ATXN1: variants seen among roughly 807,000 people sequenced by gnomAD.
The protein encoded by ATXN1 is ataxin 1.
A neutral mutation model predicts 56.4 loss-of-function variants in ATXN1; 8 were observed. That is an observed-to-expected ratio of 0.14 (90% CI 0.08 to 0.26). The LOEUF is 0.26. ATXN1 is among the 10% of genes least tolerant of loss of function. The pLI is 1.00. For synonymous variants in ATXN1, 514 were observed against 494.6 expected (o/e 1.04, Z -0.52); for missense variants, 987 against 1,106.5 (o/e 0.89, Z 1.53).
intron 2 of ATXN1, among the ~76,000 whole-genome samples, chr6:16,698,233 A>G (rs1759207606): frequency 6.6e-6 from 1 of 152,242 alleles, no homozygotes; most frequent in Non-Finnish European, 1.5e-5. Context: ...TCACTCTATC[A>G]TTAGTGACTG....
At chr6:16,589,988 A>C (rs563531546) in intron 3 of ATXN1, among the ~76,000 whole-genome samples, 1 of 152,200 alleles carries the variant, frequency 6.6e-6, no homozygotes, top group Non-Finnish European at 1.5e-5. Context: ...AAAATTATCT[A>C]TGAAGTCTAA....
chr6:16,386,870 C>T (rs187204234), intron 6 of ATXN1, among the ~76,000 whole-genome samples: 8 of 152,252 alleles, frequency 5.3e-5, no homozygotes, highest in South Asian at 2.1e-4. Flanking sequence ...CGGGGTTTCA[C>T]TATGTTGCCC....
chr6:16,414,071 G>T (rs1383834537), intron 6 of ATXN1, among the ~76,000 whole-genome samples: 4 of 152,206 alleles, frequency 2.6e-5, no homozygotes, highest in Non-Finnish European at 5.9e-5. Context: ...GCCTCAAGGA[G>T]CTAATTAAAA....
intron 6 of ATXN1, among the ~76,000 whole-genome samples, chr6:16,379,922 A>C (rs1762217705): frequency 6.6e-6 from 1 of 152,214 alleles, no homozygotes; most frequent in Non-Finnish European, 1.5e-5. Flanking sequence ...AAAGGAAAAC[A>C]AGAAAGAAGG....
chr6:16,585,262 CA>C (rs555610613), intron 4 of ATXN1, among the ~76,000 whole-genome samples: 1 of 151,302 alleles, frequency 6.6e-6, no homozygotes, highest in African/African-American at 2.4e-5. Context: ...AATAAAAAGG[CA>C]AAAAAATTAG....
At chr6:16,584,662 AT>A (rs1442983001) in intron 4 of ATXN1, among the ~76,000 whole-genome samples, 3 of 148,298 alleles carry the variant, frequency 2.0e-5, no homozygotes, top group Admixed American at 6.7e-5. Flanking sequence ...CCCAAAATAC[AT>A]GGAAACACCA....
intron 4 of ATXN1, among the ~76,000 whole-genome samples, chr6:16,527,385 G>A (rs1190531467): frequency 6.6e-6 from 1 of 152,150 alleles, no homozygotes; most frequent in Non-Finnish European, 1.5e-5. Flanking sequence ...AATCAGGCAG[G>A]AGATGGGGCT....
intron 6 of ATXN1, among the ~76,000 whole-genome samples, chr6:16,340,134 G>A (rs1026621326): frequency 6.6e-5 from 10 of 152,192 alleles, no homozygotes; most frequent in Admixed American, 6.5e-4. Context: ...CCCACCTGTG[G>A]GGAGGTGATC....
chr6:16,350,914 T>G (rs937986849), intron 6 of ATXN1, among the ~76,000 whole-genome samples: 14 of 152,120 alleles, frequency 9.2e-5, no homozygotes, highest in African/African-American at 3.4e-4. Context: ...GAGGCCTGTC[T>G]CTACAAAATA....
intron 2 of ATXN1, among the ~76,000 whole-genome samples, chr6:16,703,456 T>TCTAC (rs1256321640): frequency 5.9e-5 from 9 of 152,190 alleles, no homozygotes; most frequent in Admixed American, 5.9e-4. Flanking sequence ...GTTGTGCACA[T>TCTAC]CTACCCTAAA....
At chr6:16,627,496 A>T (rs1156261963) in intron 3 of ATXN1, among the ~76,000 whole-genome samples, 1 of 152,144 alleles carries the variant, frequency 6.6e-6, no homozygotes, top group Non-Finnish European at 1.5e-5. Context: ...TGGGAGGCCG[A>T]GGTGGGCGGG....
intron 6 of ATXN1, among the ~76,000 whole-genome samples, chr6:16,360,356 C>A (rs2113473865): frequency 6.6e-6 from 1 of 152,284 alleles, no homozygotes; most frequent in Non-Finnish European, 1.5e-5. Flanking sequence ...AATGTGTTTT[C>A]CATTCCCAAG....
At chr6:16,569,527 A>G (rs1436809984) in intron 4 of ATXN1, among the ~76,000 whole-genome samples, 1 of 122,864 alleles carries the variant, frequency 8.1e-6, no homozygotes, top group African/African-American at 2.9e-5. Flanking sequence ...ACTCCGTCTC[A>G]GAAAAAAAAA....
Position 16,326,219 on chromosome 6 carries a change from C to T in ATXN1, c.1917+175G>A, listed in dbSNP as rs975839640. ...AATTCATTACACACAGCAGAGATCACGGGGAAATGGGGCTTATTTTTTCTA... is the reference window on the plus strand; with the variant it reads ...AATTCATTACACACAGCAGAGATCATGGGGAAATGGGGCTTATTTTTTCTA... On this transcript the variant is annotated intron_variant, in intron 7 of 7. Transcript: ENST00000436367. The surrounding 1 kb of genome is among the most constrained non-coding windows in gnomAD (Gnocchi z 6.6). Among the ~76,000 whole-genome samples, 7 of 152,218 alleles carry T rather than the reference C, an allele frequency of 4.6e-5. No homozygotes were observed. The highest frequency in any genetic ancestry group is 1.9e-4 in the East Asian group (1 of 5,178).
At chr6:16,635,246 G>A (rs151309871) in intron 3 of ATXN1, among the ~76,000 whole-genome samples, 1,575 of 152,256 alleles carry the variant, frequency 0.01, 6 homozygotes, top group Middle Eastern at 0.041. Context: ...AGATGGGACC[G>A]TTTTGTTGCA....
chr6:16,623,481 A>G (rs979928664), intron 3 of ATXN1, among the ~76,000 whole-genome samples: 2 of 152,204 alleles, frequency 1.3e-5, no homozygotes, highest in African/African-American at 4.8e-5. Flanking sequence ...AGAAATTTCC[A>G]TTCTGTTAAA....
At chr6:16,419,605 G>A (rs185523078) in intron 6 of ATXN1, among the ~76,000 whole-genome samples, 175 of 152,270 alleles carry the variant, frequency 1.1e-3, no homozygotes, top group African/African-American at 4.1e-3. Context: ...GAGTGTGTGA[G>A]GGCCAGGCTG....
chr6:16,594,522 C>T (rs1475617992), intron 3 of ATXN1, among the ~76,000 whole-genome samples: 36 of 146,542 alleles, frequency 2.5e-4, no homozygotes, highest in Non-Finnish European at 4.6e-4. Flanking sequence ...CTCATTCTGT[C>T]GCCAGGCTGG....
chr6:16,713,025 C>T (rs907122754), intron 2 of ATXN1, among the ~76,000 whole-genome samples: 1 of 152,174 alleles, frequency 6.6e-6, no homozygotes, highest in Non-Finnish European at 1.5e-5. Flanking sequence ...CAAGAGATGA[C>T]TCATAATAAG....
Sources: gnomAD v4.1 joint callset for allele counts (sites outside exome capture counted in the v4.1 genomes callset) on GRCh38, gnomAD v4.1.1 for gene constraint, Gnocchi (gnomAD v3.1) non-coding constraint, MANE v1.5 for transcripts, NCBI Gene and HGNC (gene_info 2026-07-23, HGNC 2026-07-21) for gene names.